ATXN1: variants seen among roughly 807,000 people sequenced by gnomAD.
ATXN1 encodes the protein ataxin-1.
A neutral mutation model predicts 56.4 loss-of-function variants in ATXN1; 8 were observed. The ratio of observed to expected loss-of-function variants is 0.14; its 90% CI spans 0.08 to 0.26. The LOEUF is 0.26. ATXN1 is among the 10% of genes least tolerant of loss of function. The probability of loss-of-function intolerance (pLI) is 1.00; values close to 1 mark genes in which losing one functional copy is unlikely to be tolerated. For synonymous variants in ATXN1, 514 were observed against 494.6 expected (o/e 1.04, Z -0.52); for missense variants, 987 against 1,106.5 (o/e 0.89, Z 1.53).
chr6:16,433,115 A>G (rs927247084), intron 6 of ATXN1: 1 of 151,996 alleles, frequency 6.6e-6, no homozygotes, highest in African/African-American at 2.4e-5. Context: ...AGGGTGAGAA[A>G]AGAAGGTTGA....
intron 7 of ATXN1, among the ~76,000 whole-genome samples, chr6:16,323,347 T>C (rs558254661): frequency 4.6e-5 from 7 of 151,764 alleles, no homozygotes; most frequent in Admixed American, 3.9e-4. Flanking sequence ...GGTGAAACCC[T>C]GTCTCTACTA....
At chr6:16,334,883 G>A (rs184369261) in intron 6 of ATXN1, among the ~76,000 whole-genome samples, 15 of 152,340 alleles carry the variant, frequency 9.8e-5, no homozygotes, top group African/African-American at 3.4e-4. Flanking sequence ...GCAAGCAGAT[G>A]AGTAACAGCT....
chr6:16,568,985 G>T (rs151061405), intron 4 of ATXN1, among the ~76,000 whole-genome samples: 2 of 152,118 alleles, frequency 1.3e-5, no homozygotes, highest in African/African-American at 4.8e-5. Flanking sequence ...ATTTAGTAAT[G>T]GTAAACAAGA....
intron 6 of ATXN1, among the ~76,000 whole-genome samples, chr6:16,446,284 G>A (rs995123528): frequency 7.9e-5 from 12 of 152,116 alleles, no homozygotes; most frequent in Non-Finnish European, 1.8e-4. Context: ...GTGATGATGA[G>A]CATTTTTTCA....
At position 16,671,305 on chromosome 6, in the gene ATXN1, C is replaced by CTTTT. The variant is rs142311437; in HGVS notation, c.-614-13405_-614-13404insAAAA. 1.2e-4 allele frequency among the ~76,000 whole-genome samples: 9 copies of CTTTT among 73,506 alleles called. 2 individuals are homozygous for CTTTT. Among genetic ancestry groups the CTTTT allele is most frequent in the African/African-American group, 2.3e-4 (3 of 12,852 alleles). 48.2% of individuals were successfully genotyped at this position (73,506 alleles called of 152,430 possible). ...TGTACACAATTGGCACTTTTCTTTT[C>CTTTT]TTTCTTTTTTTTTTTTTTTGCAGTA... On this transcript the variant is annotated intron_variant, in intron 2 of 7. Coordinates refer to ENST00000436367, the MANE Select transcript of ATXN1 (RefSeq NM_001128164.2).
chr6:16,739,778 G>A (rs1760267206), intron 2 of ATXN1: 1 of 455,510 alleles, frequency 2.2e-6, no homozygotes, highest in Non-Finnish European at 4.4e-6. Context: ...CTTTAGGGTG[G>A]CCCAGAATAA....
chr6:16,648,081 CA>C (rs980539101), intron 3 of ATXN1, among the ~76,000 whole-genome samples: 1 of 152,082 alleles, frequency 6.6e-6, no homozygotes, highest in African/African-American at 2.4e-5. Context: ...ATCTCAAAAA[CA>C]AAATAAAATA....
chr6:16,312,915 T>C (rs1322534473), intron 7 of ATXN1, among the ~76,000 whole-genome samples: 2 of 152,240 alleles, frequency 1.3e-5, no homozygotes, highest in East Asian at 1.9e-4. Context: ...GGATTCTCTG[T>C]TGCCCAGGCT....
At chr6:16,362,340 C>G (rs962337712) in intron 6 of ATXN1, among the ~76,000 whole-genome samples, 1 of 152,164 alleles carries the variant, frequency 6.6e-6, no homozygotes, top group African/African-American at 2.4e-5. Context: ...AGTGTTGGAG[C>G]TTCAGAGAAA....
At chr6:16,672,839 G>A (rs1384439741) in intron 2 of ATXN1, among the ~76,000 whole-genome samples, 2 of 152,070 alleles carry the variant, frequency 1.3e-5, no homozygotes, top group African/African-American at 4.8e-5. Flanking sequence ...GGCCAACATG[G>A]AGAAACCCCA....
chr6:16,529,622 G>GA (rs1761463037), intron 4 of ATXN1, among the ~76,000 whole-genome samples: 1 of 152,158 alleles, frequency 6.6e-6, no homozygotes, highest in Non-Finnish European at 1.5e-5. Context: ...GGTTATAACA[G>GA]ATGTATTTTA....
intron 3 of ATXN1, among the ~76,000 whole-genome samples, chr6:16,594,763 G>A (rs1215490853): frequency 6.6e-6 from 1 of 152,256 alleles, no homozygotes; most frequent in Non-Finnish European, 1.5e-5. Context: ...TTACAGGCGT[G>A]AGCCACCGTG....
At chr6:16,685,384 G>T (rs767962384) in intron 2 of ATXN1, among the ~76,000 whole-genome samples, 1 of 152,096 alleles carries the variant, frequency 6.6e-6, no homozygotes, top group African/African-American at 2.4e-5. Context: ...CCCTTTCTGG[G>T]GAGGAACAAA....
intron 1 of ATXN1, among the ~76,000 whole-genome samples, chr6:16,754,439 G>C (rs1370915622): frequency 6.6e-6 from 1 of 152,152 alleles, no homozygotes; most frequent in Admixed American, 6.5e-5. Flanking sequence ...CTATGAATAT[G>C]ATCTCCAATG....
At chr6:16,317,255 C>T (rs1344679169) in intron 7 of ATXN1, among the ~76,000 whole-genome samples, 1 of 152,062 alleles carries the variant, frequency 6.6e-6, no homozygotes, top group Non-Finnish European at 1.5e-5. Context: ...ATTTTTTCAT[C>T]CAGTAAATAT....
chr6:16,698,423 T>G (rs1286487446), intron 2 of ATXN1, among the ~76,000 whole-genome samples: 1 of 152,166 alleles, frequency 6.6e-6, no homozygotes, highest in Non-Finnish European at 1.5e-5. Context: ...ACTGCACTTT[T>G]CTTAAACAAA....
At chr6:16,310,240 G>A (rs1760358606) in intron 7 of ATXN1, among the ~76,000 whole-genome samples, 1 of 152,128 alleles carries the variant, frequency 6.6e-6, no homozygotes, top group Non-Finnish European at 1.5e-5. Flanking sequence ...TCTATATGGA[G>A]CAAAAAGATC....
At chr6:16,466,610 T>G (rs1760112798) in intron 6 of ATXN1, among the ~76,000 whole-genome samples, 1 of 152,154 alleles carries the variant, frequency 6.6e-6, no homozygotes, top group Admixed American at 6.5e-5. Flanking sequence ...TGGAAAGACA[T>G]TCACAACTTT....
chr6:16,338,400 G>A, intron 6 of ATXN1, among the ~76,000 whole-genome samples: 1 of 152,196 alleles, frequency 6.6e-6, no homozygotes, highest in African/African-American at 2.4e-5. Flanking sequence ...GGCTAAGGCA[G>A]GAGAATCGCT....
Sources: gnomAD v4.1 joint callset for allele counts (sites outside exome capture counted in the v4.1 genomes callset) on GRCh38, gnomAD v4.1.1 for gene constraint, MANE v1.5 for transcripts, NCBI Gene and HGNC (gene_info 2026-07-23, HGNC 2026-07-21) for gene names.